ADK: variants seen among roughly 807,000 people sequenced by gnomAD.
ADK encodes the protein N6,N6-dimethyladenosine kinase.
Under a neutral mutation model 44.7 loss-of-function variants are expected in ADK, and 24 were observed. The ratio of observed to expected loss-of-function variants is 0.54; its 90% confidence interval spans 0.39 to 0.76. The LOEUF is 0.76. Among genes scored for constraint, ADK ranks in the 30% least tolerant of loss-of-function variants. The pLI, the probability that ADK is intolerant of heterozygous loss-of-function variation, is 0.00. For missense variants in ADK, 321 were observed against 425.1 expected (o/e 0.76, Z 2.15); for synonymous variants, 128 against 142.6 (o/e 0.90, Z 0.73).
At chr10:74,407,406 C>T (rs906940304) in intron 6 of ADK, among the ~76,000 whole-genome samples, 1 of 152,162 alleles carries the variant, frequency 6.6e-6, no homozygotes, top group African/African-American at 2.4e-5. Context: ...CATGCCATAT[C>T]TCTACATAGT....
In ADK at chr10:74,202,132, C is replaced by T. The variant is rs574231583; in HGVS notation, c.140+1294C>T. 2.6e-5 allele frequency among the ~76,000 whole-genome samples: 4 copies of T among 152,166 alleles called. No homozygotes were observed. The East Asian group carries it at 5.8e-4, about 22-fold the overall frequency. On this transcript the variant is annotated intron_variant, in intron 2 of 10. Coordinates refer to ENST00000539909, the MANE Select transcript of ADK (RefSeq NM_006721.4). The stretch of plus-strand genomic sequence containing the variant: ...CAGTCTCCTGGGAACTACTAGTATA[C>T]TTAGTTTTTCTATGAATTTGTCTAT...
intron 1 of ADK, chr10:74,176,848 T>C: frequency 6.2e-7 from 1 of 1,607,366 alleles, no homozygotes; most frequent in Non-Finnish European, 8.5e-7. Flanking sequence ...GCGGGCGCCG[T>C]GGCGCTGGGC....
chr10:74,296,348 G>A (rs1839814474), intron 3 of ADK, among the ~76,000 whole-genome samples: 1 of 152,056 alleles, frequency 6.6e-6, no homozygotes, highest in Non-Finnish European at 1.5e-5. Flanking sequence ...TTAAAAATGA[G>A]CAATGTTTGT....
At chr10:74,486,144 C>T (rs1232134607) in intron 6 of ADK, among the ~76,000 whole-genome samples, 1 of 152,104 alleles carries the variant, frequency 6.6e-6, no homozygotes, top group Non-Finnish European at 1.5e-5. Flanking sequence ...ATCCTTCAGG[C>T]TGGTCTCATG....
intron 2 of ADK, among the ~76,000 whole-genome samples, chr10:74,210,023 A>G (rs1843750391): frequency 6.6e-6 from 1 of 152,174 alleles, no homozygotes. Context: ...GAAAACCATC[A>G]GTAGAAATGA....
At chr10:74,417,267 CTTG>C (rs1478243814) in intron 6 of ADK, among the ~76,000 whole-genome samples, 1 of 152,042 alleles carries the variant, frequency 6.6e-6, no homozygotes, top group Non-Finnish European at 1.5e-5. Context: ...CTTTAATTCC[CTTG>C]TTGTCTTTTT....
At chr10:74,240,404 G>GTGTGTGTGTC (rs1724179130) in intron 3 of ADK, among the ~76,000 whole-genome samples, 1 of 151,334 alleles carries the variant, frequency 6.6e-6, no homozygotes, top group East Asian at 1.9e-4. Flanking sequence ...GTGTGTGTCT[G>GTGTGTGTGTC]TGTGTGTGTG....
chr10:74,436,840 C>T (rs576602066), intron 6 of ADK, among the ~76,000 whole-genome samples: 2 of 152,124 alleles, frequency 1.3e-5, no homozygotes, highest in South Asian at 4.2e-4. Flanking sequence ...TAGGGGTAAT[C>T]AAATTTCTAC....
chr10:74,660,660 G>A (rs952185627), intron 9 of ADK, among the ~76,000 whole-genome samples: 2 of 143,026 alleles, frequency 1.4e-5, no homozygotes, highest in African/African-American at 5.2e-5. Context: ...AGCCAGGGAA[G>A]TTGAGGTTGC....
At chr10:74,473,906 A>G (rs1296241099) in intron 6 of ADK, among the ~76,000 whole-genome samples, 1 of 152,194 alleles carries the variant, frequency 6.6e-6, no homozygotes, top group Non-Finnish European at 1.5e-5. Context: ...AGTAATTAAT[A>G]AATATTAGTG....
rs35421202 is a variant in ADK, at chr10:74,552,608, C to CT, written c.726+27196dup. The stretch of plus-strand genomic sequence containing the variant: ...TGTGTAAATGAATGCCTTAATAAAG[C>CT]TTTTTTTTTTTTTTAAGGATACCAT... On this transcript the variant is annotated intron_variant, in intron 7 of 10. Coordinates refer to ENST00000539909, the MANE Select transcript of ADK (RefSeq NM_006721.4). Among the ~76,000 whole-genome samples, 566 of 137,900 alleles carry CT rather than the reference C, an allele frequency of 4.1e-3. 1 individual carries two copies. Among genetic ancestry groups the CT allele is most frequent in the Admixed American group, 7.3e-3 (99 of 13,550 alleles). 90.5% of individuals were successfully genotyped at this position (137,900 alleles called of 152,430 possible).
At chr10:74,195,090 C>A (rs79573798) in intron 1 of ADK, among the ~76,000 whole-genome samples, 2,708 of 148,930 alleles carry the variant, frequency 0.018, 37 homozygotes, top group Non-Finnish European at 0.026. Flanking sequence ...CTCCCCCCCC[C>A]AAAAAAAAAA....
At chr10:74,276,968 A>G (rs1481333723) in intron 3 of ADK, among the ~76,000 whole-genome samples, 1 of 151,696 alleles carries the variant, frequency 6.6e-6, no homozygotes, top group Non-Finnish European at 1.5e-5. Flanking sequence ...CACAGACTGC[A>G]GTACAGTGGA....
chr10:74,388,156 C>G (rs1422155628), intron 4 of ADK, among the ~76,000 whole-genome samples: 7 of 152,208 alleles, frequency 4.6e-5, no homozygotes, highest in Non-Finnish European at 1.0e-4. Context: ...ATCTGCCTGC[C>G]TCGGCTTCCC....
At chr10:74,294,098 A>G (rs1231632684) in intron 3 of ADK, among the ~76,000 whole-genome samples, 2 of 152,122 alleles carry the variant, frequency 1.3e-5, no homozygotes, top group Admixed American at 6.6e-5. Flanking sequence ...TGAACATAGC[A>G]GTGCTTTTGT....
At chr10:74,263,042 T>G (rs143244861) in intron 3 of ADK, among the ~76,000 whole-genome samples, 1 of 152,164 alleles carries the variant, frequency 6.6e-6, no homozygotes, top group Admixed American at 6.5e-5. Context: ...TTAAAACATA[T>G]GTTATATTGA....
intron 1 of ADK, among the ~76,000 whole-genome samples, chr10:74,190,327 C>A (rs545641689): frequency 6.6e-6 from 1 of 152,330 alleles, no homozygotes; most frequent in South Asian, 2.1e-4. Flanking sequence ...TCAGTTCATC[C>A]ATAGCCTTGA....
chr10:74,261,280 G>A lies in ADK; in HGVS notation c.194+36689G>A, dbSNP rs1171093741. On this transcript the variant is annotated intron_variant, in intron 3 of 10. Coordinates refer to ENST00000539909, the MANE Select transcript of ADK (RefSeq NM_006721.4). Reference sequence around the variant, plus strand: ...GCTAATTTGCTAATCTCCCCCCTCAGTGTTTCAGCAGATCTCTCCAGCACC... The same window carrying A: ...GCTAATTTGCTAATCTCCCCCCTCAATGTTTCAGCAGATCTCTCCAGCACC... Among the ~76,000 whole-genome samples, 3 of 151,944 alleles carry A rather than the reference G, an allele frequency of 2.0e-5. No homozygotes were observed. The East Asian group carries it at 5.8e-4, about 29-fold the overall frequency.
At chr10:74,687,902 T>G (rs1467807317) in intron 10 of ADK, among the ~76,000 whole-genome samples, 1 of 152,358 alleles carries the variant, frequency 6.6e-6, no homozygotes, top group South Asian at 2.1e-4. Context: ...TATTCCATTT[T>G]CTGTATAATA....
Sources: gnomAD v4.1 joint callset for allele counts (sites outside exome capture counted in the v4.1 genomes callset) on GRCh38, gnomAD v4.1.1 for gene constraint, MANE v1.5 for transcripts, NCBI Gene and HGNC (gene_info 2026-07-23, HGNC 2026-07-21) for gene names.